DENND5B: variants seen among roughly 807,000 people sequenced by gnomAD.
DENND5B encodes DENN domain containing 5B, also known as DENN domain-containing protein 5B.
Under a neutral mutation model 140.6 loss-of-function variants are expected in DENND5B, and 34 were observed. The ratio of observed to expected loss-of-function variants is 0.24; its 90% CI spans 0.18 to 0.32. The LOEUF is 0.32. Among genes scored for constraint, DENND5B ranks in the 10% least tolerant of loss-of-function variants. The pLI, the probability that DENND5B is intolerant of heterozygous loss-of-function variation, is 1.00. For synonymous variants in DENND5B, 551 were observed against 562.1 expected (o/e 0.98, Z 0.28); for missense variants, 1,142 against 1,560.2 (o/e 0.73, Z 4.52).
intron 5 of DENND5B, among the ~76,000 whole-genome samples, chr12:31,448,185 G>A (rs1223864922): frequency 6.6e-6 from 1 of 151,876 alleles, no homozygotes; most frequent in African/African-American, 2.4e-5. Context: ...CCAGGCTGGA[G>A]TGCAGTGGCA....
rs1192793027 is a variant in DENND5B at position 31,386,054 on chromosome 12, CT to C, written c.*1548del. The C allele has an allele frequency of 6.5e-6, 1 of 153,966 alleles. No individual in the cohort carries two copies. Among genetic ancestry groups the C allele is most frequent in the African/African-American group, 2.4e-5 (1 of 41,520 alleles). 9.5% of individuals were successfully genotyped at this position (153,966 alleles called of 1,614,324 possible). ...ACATGTTAAAAGAGGCTGTCCTTGG[CT>C]GTGTTTGATAAAGGGAGTTAGGCAC... On this transcript the variant is annotated 3_prime_UTR_variant, in exon 21 of 21. Coordinates refer to ENST00000389082, the MANE Select transcript of DENND5B (RefSeq NM_144973.4).
At chr12:31,545,075 C>A (rs139016758) in intron 1 of DENND5B, among the ~76,000 whole-genome samples, 45 of 152,168 alleles carry the variant, frequency 3.0e-4, no homozygotes, top group African/African-American at 1.1e-3. Flanking sequence ...GCTTCTCAGT[C>A]CATTCATAAT....
chr12:31,394,636 C>T lies in DENND5B; in HGVS notation c.3257-1940G>A, dbSNP rs563954089. On this transcript the variant is annotated intron_variant, in intron 17 of 20. Coordinates refer to ENST00000389082, the MANE Select transcript of DENND5B (RefSeq NM_144973.4). ...TGCTCTTTTTTTTTTTTTTTTGAGA[C>T]GGAGTCTCGCTCTGTCACCCAGGCT... 3.3e-4 allele frequency among the ~76,000 whole-genome samples: 45 copies of T among 136,576 alleles called. 2 individuals carry two copies. In the South Asian group the frequency reaches 8.6e-3, roughly 26 times the overall value. 89.6% of individuals were successfully genotyped at this position (136,576 alleles called of 152,430 possible).
intron 14 of DENND5B, among the ~76,000 whole-genome samples, chr12:31,407,730 G>A (rs1173305007): frequency 6.6e-6 from 1 of 152,142 alleles, no homozygotes; most frequent in African/African-American, 2.4e-5. Context: ...AAACCATGAG[G>A]TAACTAGCAC....
chr12:31,388,717 G>A (rs930360192), intron 20 of DENND5B, among the ~76,000 whole-genome samples: 5 of 152,062 alleles, frequency 3.3e-5, no homozygotes, highest in East Asian at 1.9e-4. Context: ...GGATTGTATC[G>A]CTCCTATGTG....
At chr12:31,439,489 T>C (rs1048371529) in intron 7 of DENND5B, among the ~76,000 whole-genome samples, 14 of 152,060 alleles carry the variant, frequency 9.2e-5, no homozygotes, top group African/African-American at 3.4e-4. Flanking sequence ...TAGGTTCCTT[T>C]TTTTTTTGTT....
intron 1 of DENND5B, among the ~76,000 whole-genome samples, chr12:31,585,675 C>T (rs1353590726): frequency 1.3e-5 from 2 of 152,172 alleles, no homozygotes; most frequent in African/African-American, 4.8e-5. Flanking sequence ...GTCTAAGGTC[C>T]CTTCAAGAAC....
chr12:31,402,527 G>A lies in DENND5B; in HGVS notation c.2920C>T (p.Pro974Ser). The A allele has an allele frequency of 6.2e-7, 1 of 1,613,398 alleles. No individual in the cohort carries two copies. The highest frequency in any genetic ancestry group is 8.5e-7 in the Non-Finnish European group (1 of 1,179,648). Residue 974 changes from proline to serine, a missense_variant, in exon 15 of 21, where the codon CCC (proline) becomes TCC (serine). By Grantham distance (74) the Pro-to-Ser change is moderately conservative. Around this residue, in one of 5 missense-constraint regions of DENND5B, gnomAD observed 268 missense variants for 349.2 expected, o/e 0.77. Transcript: ENST00000389082. ...AAGGTCATTTCGAGGAGGTTTTTGG[G>A]AATCTGCATTACTCCTGTGTCTCCC... ...ELGDTGVMQI[P>S]KNLLEMTFEC... is the part of the protein sequence containing the mutation.
chr12:31,533,687 T>C (rs1948377250), intron 1 of DENND5B, among the ~76,000 whole-genome samples: 1 of 152,208 alleles, frequency 6.6e-6, no homozygotes, highest in Non-Finnish European at 1.5e-5. Flanking sequence ...CACAATGTAG[T>C]TGTATGCATG....
intron 1 of DENND5B, among the ~76,000 whole-genome samples, chr12:31,574,295 A>AATAATAATAATAATAATAATAATTATT (rs374578025): frequency 2.8e-5 from 4 of 144,594 alleles, no homozygotes; most frequent in South Asian, 4.4e-4. Flanking sequence ...TAATAATAAT[A>AATAATAATAATAATAATAATAATTATT]ATTTAAAAGG....
chr12:31,415,008 G>T (rs1231244347), intron 12 of DENND5B, among the ~76,000 whole-genome samples: 1 of 151,498 alleles, frequency 6.6e-6, no homozygotes, highest in Non-Finnish European at 1.5e-5. Flanking sequence ...CTAGCGACTT[G>T]GGAGGCTGAG....
intron 1 of DENND5B, among the ~76,000 whole-genome samples, chr12:31,566,369 T>TGTGC (rs1436194599): frequency 6.9e-6 from 1 of 143,906 alleles, no homozygotes; most frequent in Non-Finnish European, 1.5e-5. Context: ...TGTGTGTGTG[T>TGTGC]GTAATTCAAG....
intron 3 of DENND5B, among the ~76,000 whole-genome samples, chr12:31,475,573 C>A (rs1945766270): frequency 6.6e-6 from 1 of 151,994 alleles, no homozygotes. Context: ...TGTAGTGAGA[C>A]TTCATCTCCA....
At chr12:31,526,445 T>C (rs1468282621) in intron 1 of DENND5B, among the ~76,000 whole-genome samples, 3 of 152,228 alleles carry the variant, frequency 2.0e-5, no homozygotes. Context: ...AGTTCAACAA[T>C]GCCCTGTAGC....
chr12:31,470,271 C>T (rs73294166), intron 3 of DENND5B, among the ~76,000 whole-genome samples: 13,971 of 151,930 alleles, frequency 0.092, 871 homozygotes, highest in East Asian at 0.25. Context: ...TGCACCACCA[C>T]GCCTGGGTAA....
chr12:31,528,549 T>C (rs1296869820), intron 1 of DENND5B, among the ~76,000 whole-genome samples: 1 of 152,156 alleles, frequency 6.6e-6, no homozygotes, highest in Non-Finnish European at 1.5e-5. Flanking sequence ...GATAGTGAGA[T>C]GTATTTGAAT....
intron 1 of DENND5B, among the ~76,000 whole-genome samples, chr12:31,588,973 T>C (rs1950499557): frequency 6.6e-6 from 1 of 152,240 alleles, no homozygotes; most frequent in Admixed American, 6.5e-5. Context: ...AGAGACATCA[T>C]AGTTTGTTTC....
At chr12:31,546,177 T>C (rs1477962182) in intron 1 of DENND5B, among the ~76,000 whole-genome samples, 1 of 152,218 alleles carries the variant, frequency 6.6e-6, no homozygotes, top group Non-Finnish European at 1.5e-5. Context: ...GCTATATATA[T>C]GACCCATATA....
At chr12:31,508,868 A>T (rs1440539624) in intron 1 of DENND5B, among the ~76,000 whole-genome samples, 1 of 152,202 alleles carries the variant, frequency 6.6e-6, no homozygotes, top group East Asian at 1.9e-4. Context: ...AGACCCTCCC[A>T]GTTCTATCAG....
Sources: gnomAD v4.1 joint callset for allele counts (sites outside exome capture counted in the v4.1 genomes callset) on GRCh38, gnomAD v4.1.1 for gene constraint, gnomAD v4.1.1 regional missense constraint, MANE v1.5 for transcripts, NCBI Gene and HGNC (gene_info 2026-07-23, HGNC 2026-07-21) for gene names.